Variants in MAP3K4 observed in about 807,000 individuals in gnomAD.
The protein encoded by MAP3K4 is mitogen-activated protein kinase kinase kinase 4, also known as MAP three kinase 1.
A neutral mutation model predicts 185.6 loss-of-function variants in MAP3K4; 67 were observed. The observed-to-expected ratio is 0.36, with a 90% CI of 0.30 to 0.44. MAP3K4 has a LOEUF of 0.44. Among genes scored for constraint, MAP3K4 ranks in the 20% least tolerant of loss-of-function variants. The probability of loss-of-function intolerance (pLI) is 1.00; values close to 1 mark genes in which losing one functional copy is unlikely to be tolerated. For synonymous variants in MAP3K4, 702 were observed against 710.4 expected (o/e 0.99, Z 0.19); for missense variants, 1,551 against 1,995.1 (o/e 0.78, Z 4.24).
intron 2 of MAP3K4, among the ~76,000 whole-genome samples, chr6:161,041,925 TC>T (rs66577821): frequency 0.62 from 58,130 of 93,710 alleles, 19,928 homozygotes; most frequent in South Asian, 0.69. Context: ...TTTTTTTTTT[TC>T]TTTTTTTTTT....
At chr6:160,994,021 A>G (rs1193956809) in intron 1 of MAP3K4, among the ~76,000 whole-genome samples, 1 of 152,168 alleles carries the variant, frequency 6.6e-6, no homozygotes, top group Non-Finnish European at 1.5e-5. Flanking sequence ...GATCTTTGGT[A>G]AAAGATGTAG....
intron 1 of MAP3K4, among the ~76,000 whole-genome samples, chr6:161,010,205 C>T (rs1476784820): frequency 6.6e-6 from 1 of 152,108 alleles, no homozygotes; most frequent in Admixed American, 6.5e-5. Flanking sequence ...CATTTATCCC[C>T]GAAGTGCCTG....
chr6:161,020,265 CTTTGTTTG>C (rs58355990), intron 1 of MAP3K4, among the ~76,000 whole-genome samples: 11,687 of 151,540 alleles, frequency 0.077, 688 homozygotes, highest in East Asian at 0.36. Flanking sequence ...ATGGACTTTT[CTTTGTTTG>C]TTTGTTTGTT....
chr6:161,083,121 G>A (rs1405451205), intron 6 of MAP3K4, among the ~76,000 whole-genome samples: 1 of 152,032 alleles, frequency 6.6e-6, no homozygotes, highest in African/African-American at 2.4e-5. Flanking sequence ...TGGCCCCTCT[G>A]CATGGAGTGC....
Position 161,048,628 on chromosome 6 carries a change from C to A in MAP3K4, c.356C>A (p.Ala119Glu). 6.3e-7 allele frequency: 1 copy of A among 1,575,430 alleles called. No individual in the cohort carries two copies. The highest frequency in any genetic ancestry group is 8.6e-7 in the Non-Finnish European group (1 of 1,165,584). ...TTTTTTTTAATAGAAAAAATGAATG[C>A]ACCAAATCAGCCTCCACATAAAGAC... ...SRSNLKEKMN[A>E]PNQPPHKDTG... Residue 119 changes from alanine to glutamate, a missense_variant, in exon 3 of 27, where the codon GCA becomes GAA. Around this residue, in one of 16 missense-constraint regions of MAP3K4, gnomAD observed 287 missense variants for 268.8 expected, o/e 1.07. Coordinates refer to ENST00000392142, the MANE Select transcript of MAP3K4 (RefSeq NM_005922.4). This position sits in a 1 kb window ranked among gnomAD's most constrained non-coding sequence, Gnocchi z 4.7.
intron 2 of MAP3K4, among the ~76,000 whole-genome samples, chr6:161,047,068 A>G (rs1783760467): frequency 1.4e-5 from 2 of 146,740 alleles, no homozygotes; most frequent in Non-Finnish European, 3.0e-5. Context: ...TTATTTATTT[A>G]AAGAGATCTT....
intron 3 of MAP3K4, among the ~76,000 whole-genome samples, chr6:161,058,932 A>C (rs561350663): frequency 9.2e-5 from 14 of 152,216 alleles, no homozygotes; most frequent in Admixed American, 3.3e-4. Flanking sequence ...CCCTTTATGA[A>C]CTTATTCTGT....
intron 2 of MAP3K4, among the ~76,000 whole-genome samples, chr6:161,038,809 C>T (rs1783302646): frequency 6.6e-6 from 1 of 152,114 alleles, no homozygotes; most frequent in Admixed American, 6.5e-5. Context: ...TTTTTGTCTG[C>T]ATAGTGTCTG....
intron 1 of MAP3K4, among the ~76,000 whole-genome samples, chr6:161,027,921 G>A (rs1024553046): frequency 1.3e-5 from 2 of 152,220 alleles, no homozygotes; most frequent in African/African-American, 4.8e-5. Flanking sequence ...GGTGCTGGCT[G>A]TCAGCTGGGA....
intron 3 of MAP3K4, among the ~76,000 whole-genome samples, chr6:161,055,244 G>A (rs1784179653): frequency 6.6e-6 from 1 of 152,236 alleles, no homozygotes; most frequent in Non-Finnish European, 1.5e-5. Flanking sequence ...GTAGTTTCCA[G>A]GTGTCCTTCC....
rs935267185 is a variant in MAP3K4 at position 161,022,069 on chromosome 6, C to G, written c.153-12190C>G. 6.6e-6 allele frequency: 1 copy of G among 152,226 alleles called. No homozygotes were observed. The highest frequency in any genetic ancestry group is 2.4e-5 in the African/African-American group (1 of 41,544). 9.4% of individuals were successfully genotyped at this position (152,226 alleles called of 1,614,324 possible). On this transcript the variant is annotated intron_variant, in intron 1 of 26. Transcript: ENST00000392142. This position sits in a 1 kb window ranked among gnomAD's most constrained non-coding sequence, Gnocchi z 4.2. ...TTGTTGTTAATTCAAAATTACCGTT[C>G]CCTAGTTTGAAAGGCTGTTTTCTAT...
intron 1 of MAP3K4, among the ~76,000 whole-genome samples, chr6:161,012,646 A>T (rs990918407): frequency 2.0e-5 from 3 of 152,216 alleles, no homozygotes; most frequent in African/African-American, 7.2e-5. Flanking sequence ...AGTGCAGAAT[A>T]CCGGGAATCT....
chr6:161,007,839 A>G lies in MAP3K4; in HGVS notation c.152+15756A>G, dbSNP rs1226240006. Among the ~76,000 whole-genome samples the G allele has an allele frequency of 6.6e-6, 1 of 152,208 alleles. No homozygotes were observed. The highest frequency in any genetic ancestry group is 6.5e-5 in the Admixed American group (1 of 15,284). ...ATATGCAGCATAAATTTTATATGTC[A>G]CTAAGGAAAAACTGCAATGAAGCAA... On this transcript the variant is annotated intron_variant, in intron 1 of 26. Coordinates refer to ENST00000392142, the MANE Select transcript of MAP3K4 (RefSeq NM_005922.4). This position sits in a 1 kb window ranked among gnomAD's most constrained non-coding sequence, Gnocchi z 4.5.
chr6:161,009,810 T>C (rs676334), intron 1 of MAP3K4, among the ~76,000 whole-genome samples: 136,123 of 152,118 alleles, frequency 0.89, 61,229 homozygotes, highest in Non-Finnish European at 0.93. Flanking sequence ...ATTAAAAAGC[T>C]CCTGAGAACA....
At chr6:161,065,167 T>C (rs991276351) in intron 3 of MAP3K4, among the ~76,000 whole-genome samples, 4 of 152,206 alleles carry the variant, frequency 2.6e-5, no homozygotes, top group African/African-American at 7.2e-5. Context: ...TGGGAGGCAG[T>C]GTAGAACTGC....
chr6:161,000,910 CAT>C (rs752081812), intron 1 of MAP3K4, among the ~76,000 whole-genome samples: 36 of 147,828 alleles, frequency 2.4e-4, no homozygotes, highest in East Asian at 1.6e-3. Flanking sequence ...TGTACACACA[CAT>C]ATATAGTGTA....
intron 1 of MAP3K4, among the ~76,000 whole-genome samples, chr6:161,026,170 G>A (rs189904301): frequency 6.6e-6 from 1 of 151,880 alleles, no homozygotes; most frequent in Non-Finnish European, 1.5e-5. Flanking sequence ...TTGCTCTGTG[G>A]CCCAGGCTGG....
intron 1 of MAP3K4, among the ~76,000 whole-genome samples, chr6:161,014,825 T>C (rs1782010575): frequency 6.6e-6 from 1 of 151,992 alleles, no homozygotes; most frequent in African/African-American, 2.4e-5. Context: ...TTCACAGATA[T>C]ATGCAACCAT....
chr6:161,004,077 CAG>C (rs897931122), intron 1 of MAP3K4, among the ~76,000 whole-genome samples: 2 of 148,424 alleles, frequency 1.3e-5, no homozygotes, highest in African/African-American at 4.9e-5. Flanking sequence ...CCAAGAATAT[CAG>C]AGAAAGAGAT....
Sources: allele counts gnomAD v4.1 joint callset (sites outside exome capture counted in the v4.1 genomes callset), GRCh38; gene constraint gnomAD v4.1.1; regional missense constraint gnomAD v4.1.1; non-coding constraint Gnocchi (gnomAD v3.1); transcripts MANE v1.5; gene names NCBI Gene and HGNC (gene_info 2026-07-23, HGNC 2026-07-21).